The following PHLDB3 variants were observed in gnomAD, a reference collection of about 807,000 sequenced individuals.
PHLDB3 encodes the protein pleckstrin homology-like domain family B member 3.
A neutral mutation model predicts 85.7 loss-of-function variants in PHLDB3; 86 were observed. The ratio of observed to expected loss-of-function variants is 1.00; its 90% CI spans 0.84 to 1.20. The LOEUF is 1.20. Ranked by LOEUF, PHLDB3 falls within the 50% of genes most tolerant of loss-of-function variation. PHLDB3 has a pLI of 0.00. For missense variants in PHLDB3, 995 were observed against 873.0 expected, an observed-to-expected ratio of 1.14 and a Z score of -1.76; for synonymous variants, 376 against 349.8, an observed-to-expected ratio of 1.07 and a Z score of -0.83.
chr19:43,477,803 G>A (rs1970958895), intron 15 of PHLDB3, among the ~76,000 whole-genome samples: 1 of 146,516 alleles, frequency 6.8e-6, no homozygotes. Flanking sequence ...ATGAGACTCT[G>A]TCTTAAAAAA....
intron 13 of PHLDB3, among the ~76,000 whole-genome samples, chr19:43,485,588 G>C (rs915907562): frequency 4.2e-5 from 6 of 142,070 alleles, no homozygotes; most frequent in Non-Finnish European, 9.1e-5. Flanking sequence ...ACAGATTTTC[G>C]CTCTTATTGC....
chr19:43,502,614 C>CTTT (rs71336869), intron 2 of PHLDB3, among the ~76,000 whole-genome samples: 16 of 114,778 alleles, frequency 1.4e-4, no homozygotes, highest in African/African-American at 3.2e-4. Context: ...ACGCCAAGCT[C>CTTT]TTTTTTTTTT....
intron 2 of PHLDB3, 69 bp from the exon 3 acceptor site, chr19:43,502,352 C>T (rs1971629274): frequency 2.1e-6 from 3 of 1,442,694 alleles, no homozygotes; most frequent in Non-Finnish European, 2.8e-6. Context: ...AGGTCTGGTC[C>T]CCACCCAACA....
intron 12 of PHLDB3, 59 bp from the exon 13 acceptor site, chr19:43,486,381 C>G: frequency 6.6e-7 from 1 of 1,504,640 alleles, no homozygotes; most frequent in African/African-American, 1.4e-5. Context: ...GGTAGGGTGG[C>G]TGGAGAATGT....
Position 43,479,490 on chromosome 19 carries a change from A to AC in PHLDB3, c.1588dup (p.Val530GlyfsTer28). ...GGGTCCACGGCAGCAGCACCCAGAC[A>AC]CCTGCACATGTGGGCAGTTTTCCGG... is the stretch of plus-strand genomic sequence containing the variant. On this transcript the variant is annotated frameshift_variant, in exon 14 of 16. Coordinates refer to ENST00000292140, the MANE Select transcript of PHLDB3 (RefSeq NM_198850.4). LOFTEE classifies it high-confidence loss of function. 1 of 1,526,640 alleles carries AC rather than the reference A, an allele frequency of 6.6e-7. No homozygotes were observed. Among genetic ancestry groups the AC allele is most frequent in the Non-Finnish European group, 8.8e-7 (1 of 1,133,072 alleles). 94.6% of individuals were successfully genotyped at this position (1,526,640 alleles called of 1,614,324 possible).
At chr19:43,485,868 A>C in intron 13 of PHLDB3, 3 of 818,980 alleles carry the variant, frequency 3.7e-6, no homozygotes, top group Non-Finnish European at 2.9e-6. Flanking sequence ...ATTTTAAATG[A>C]TTTTTAAAAG....
At chr19:43,476,930 C>G (rs1257569177) in intron 15 of PHLDB3, among the ~76,000 whole-genome samples, 2 of 151,852 alleles carry the variant, frequency 1.3e-5, no homozygotes, top group Non-Finnish European at 2.9e-5. Flanking sequence ...TTGGCAGGAG[C>G]CAACTAACAA....
chr19:43,497,972 C>T (rs1971504529), intron 4 of PHLDB3, 96 bp from the exon 5 acceptor site: 2 of 1,480,786 alleles, frequency 1.4e-6, no homozygotes, highest in Middle Eastern at 3.7e-4. Flanking sequence ...GTCGGCTGTA[C>T]AAAGGCAGGG....
Position 43,497,217 on chromosome 19 carries a change from C to G in PHLDB3, c.726G>C (p.Glu242Asp). 6.5e-7 allele frequency: 1 copy of G among 1,545,544 alleles called. No individual in the cohort carries two copies. The highest frequency in any genetic ancestry group is 2.4e-5 in the East Asian group (1 of 40,998). ...CCTCCTCCTCCTGCCGGCTCTCCCG[C>G]TCCAGTTGCTGGAACTCCAGGTCCT... is the stretch of plus-strand genomic sequence containing the variant. The part of the protein sequence containing the change: ...AYEDLEFQQL[E>D]RESRQEEEDR... Residue 242 changes from glutamate (E) to aspartate (D), a missense_variant, in exon 6 of 16, where the codon GAG (glutamate) becomes GAC (aspartate). Coordinates refer to ENST00000292140, the MANE Select transcript of PHLDB3 (RefSeq NM_198850.4).
chr19:43,504,496 T>C (rs1971706886), intron 1 of PHLDB3, 93 bp downstream of exon 1: 1 of 268,538 alleles, frequency 3.7e-6, no homozygotes, highest in Admixed American at 5.2e-5. Flanking sequence ...CCTCCGAGAC[T>C]CAGCAGTTCG....
intron 2 of PHLDB3, 71 bp from the exon 3 acceptor site, chr19:43,502,354 C>T (rs1469221075): frequency 2.4e-5 from 34 of 1,396,302 alleles, no homozygotes; most frequent in Non-Finnish European, 6.7e-6. Flanking sequence ...GTCTGGTCCC[C>T]ACCCAACATC....
intron 4 of PHLDB3, 73 bp downstream of exon 4, chr19:43,501,661 G>A: frequency 6.5e-7 from 1 of 1,541,714 alleles, no homozygotes. Context: ...CGGGGCGCAG[G>A]TGGCTAGGAG....
chr19:43,485,352 C>T (rs1330266442), intron 13 of PHLDB3, among the ~76,000 whole-genome samples: 2 of 151,586 alleles, frequency 1.3e-5, no homozygotes, highest in Non-Finnish European at 2.9e-5. Context: ...GCTGGGATTA[C>T]AGGTGCCCGC....
chr19:43,495,260 G>A lies in PHLDB3; in HGVS notation c.1031C>T (p.Thr344Ile). Residue 344 changes from threonine (T) to isoleucine (I), a missense_variant, in exon 8 of 16, where the codon ACT (threonine) becomes ATT (isoleucine). Physicochemically the swap from Thr to Ile is moderately conservative, Grantham distance 89. Transcript: ENST00000292140. ...GDFSEPNPALTKLLFTQKTDR... is the reference protein window; with the variant it reads ...GDFSEPNPALIKLLFTQKTDR... ...AGGCATACAAAATCCCCATACCTTA[G>A]TGAGGGCCGGGTTGGGCTCAGAGAA... is the stretch of plus-strand genomic sequence containing the variant. 6.2e-7 allele frequency: 1 copy of A among 1,613,650 alleles called. No homozygotes were observed. Among genetic ancestry groups the A allele is most frequent in the Non-Finnish European group, 8.5e-7 (1 of 1,179,720 alleles).
At chr19:43,487,946 G>T (rs1971221429) in intron 9 of PHLDB3, among the ~76,000 whole-genome samples, 1 of 151,926 alleles carries the variant, frequency 6.6e-6, no homozygotes, top group Non-Finnish European at 1.5e-5. Context: ...TTGAGGTCAG[G>T]CGTTTGAGAC....
chr19:43,500,360 A>G (rs1971558227), intron 4 of PHLDB3, among the ~76,000 whole-genome samples: 2 of 152,120 alleles, frequency 1.3e-5, no homozygotes, highest in Non-Finnish European at 2.9e-5. Context: ...CCCTCTAACC[A>G]ACACCCACTT....
In PHLDB3 at chr19:43,475,383, G is replaced by T; in HGVS notation, c.*27C>A. ...CCCCGCGCCGGCGGAGCCTCGAAGG[G>T]ACTTCCCCCCAAGAGGGCGGGGCCA... On this transcript the variant is annotated 3_prime_UTR_variant, in exon 16 of 16. Coordinates refer to ENST00000292140, the MANE Select transcript of PHLDB3 (RefSeq NM_198850.4). 6.2e-7 allele frequency: 1 copy of T among 1,611,082 alleles called. No individual in the cohort carries two copies. The highest frequency in any genetic ancestry group is 8.5e-7 in the Non-Finnish European group (1 of 1,177,938).
At chr19:43,490,951 A>T (rs1279416620) in intron 9 of PHLDB3, among the ~76,000 whole-genome samples, 1 of 152,156 alleles carries the variant, frequency 6.6e-6, no homozygotes, top group Non-Finnish European at 1.5e-5. Context: ...TGTTGCAAGG[A>T]TTAAATGAGT....
At chr19:43,478,885 A>C (rs565160030) in intron 14 of PHLDB3, among the ~76,000 whole-genome samples, 10 of 152,284 alleles carry the variant, frequency 6.6e-5, no homozygotes, top group Non-Finnish European at 1.3e-4. Context: ...ACTGCACTCC[A>C]GCCTGGGCGA....
Sources: allele counts gnomAD v4.1 joint callset (sites outside exome capture counted in the v4.1 genomes callset), GRCh38; gene constraint gnomAD v4.1.1; transcripts MANE v1.5; gene names NCBI Gene and HGNC (gene_info 2026-07-23, HGNC 2026-07-21).